The following PTPRD variants were observed in gnomAD, a reference collection of about 807,000 sequenced individuals.
PTPRD encodes receptor-type tyrosine-protein phosphatase delta.
A neutral mutation model predicts 214.5 loss-of-function variants in PTPRD; 34 were observed. That is an observed-to-expected ratio of 0.16 (90% CI 0.12 to 0.21). The LOEUF (loss-of-function observed/expected upper bound fraction) is 0.21, where lower values mean the gene tolerates loss of function less well. Ranked by LOEUF, PTPRD falls within the 10% of genes least tolerant of loss-of-function variation. PTPRD has a pLI of 1.00. For missense variants in PTPRD, 2,545 were observed against 2,398.7 expected, an observed-to-expected ratio of 1.06 and a Z score of -1.27; for synonymous variants, 1,128 against 845.7, an observed-to-expected ratio of 1.33 and a Z score of -5.79.
intron 4 of PTPRD, among the ~76,000 whole-genome samples, chr9:9,996,971 C>T (rs1421779522): frequency 6.6e-6 from 1 of 152,106 alleles, no homozygotes; most frequent in Non-Finnish European, 1.5e-5. Flanking sequence ...GGCCTGTATA[C>T]AGGAAAAAGA....
chr9:9,376,225 C>T (rs1174294719), intron 9 of PTPRD, among the ~76,000 whole-genome samples: 1 of 151,992 alleles, frequency 6.6e-6, no homozygotes, highest in Non-Finnish European at 1.5e-5. Flanking sequence ...CTACTATAAT[C>T]TATATGTATA....
intron 11 of PTPRD, among the ~76,000 whole-genome samples, chr9:8,802,830 C>T (rs996969090): frequency 6.6e-6 from 1 of 152,086 alleles, no homozygotes; most frequent in African/African-American, 2.4e-5. Flanking sequence ...GGTGGGAAGA[C>T]AGCTTGAGCC....
rs752023699 is a variant in PTPRD, at chr9:8,501,026, G to A, written c.1856C>T (p.Thr619Ile). 3 of 1,613,924 alleles carry A rather than the reference G, an allele frequency of 1.9e-6. No individual in the cohort carries two copies. Among genetic ancestry groups the A allele is most frequent in the Non-Finnish European group, 1.7e-6 (2 of 1,179,914 alleles). The stretch of plus-strand genomic sequence containing the variant: ...CAAAATACTAGTGGAACTTGGGCTG[G>A]TGCAACTAATGTCTTGAGGAGGAGC... Reference protein sequence around the residue: ...PSAPPQDISCTSPSSTSILVS... With the variant: ...PSAPPQDISCISPSSTSILVS... The change falls in exon 24 of 46, where the codon ACC (threonine) becomes ATC (isoleucine). Residue 619 changes from threonine (T) to isoleucine (I), a missense_variant. Physicochemically the swap from Thr to Ile is moderately conservative, Grantham distance 89. Transcript: ENST00000381196.
chr9:10,594,616 G>A (rs2076215640), intron 2 of PTPRD, among the ~76,000 whole-genome samples: 1 of 151,958 alleles, frequency 6.6e-6, no homozygotes, highest in Non-Finnish European at 1.5e-5. Flanking sequence ...ACAGACTAAT[G>A]AGAACGAATG....
At chr9:9,623,047 C>G (rs1439906413) in intron 7 of PTPRD, among the ~76,000 whole-genome samples, 1 of 152,146 alleles carries the variant, frequency 6.6e-6, no homozygotes, top group Non-Finnish European at 1.5e-5. Flanking sequence ...TCAACCATAC[C>G]AAATTGGGCT....
intron 3 of PTPRD, among the ~76,000 whole-genome samples, chr9:10,130,023 G>C (rs914167012): frequency 6.6e-6 from 1 of 151,284 alleles, no homozygotes; most frequent in African/African-American, 2.4e-5. Flanking sequence ...TTTAAAATTG[G>C]TGCACTGAAA....
rs2097394736 is a variant in PTPRD at position 8,501,076 on chromosome 9, G to A, written c.1823-17C>T. The A allele has an allele frequency of 6.3e-7, 1 of 1,593,964 alleles. No individual in the cohort carries two copies. The highest frequency in any genetic ancestry group is 1.1e-5 in the South Asian group (1 of 89,732). On this transcript the variant is annotated splice_polypyrimidine_tract_variant and intron_variant, in intron 23 of 45. Coordinates refer to ENST00000381196, the MANE Select transcript of PTPRD (RefSeq NM_002839.4). ...CTGACGGCTCTTATTTTGGTAGTGA[G>A]TTAAAGGAGGATTTAAGTGAAAGGA...
At chr9:10,352,780 C>G (rs1300424872) in intron 2 of PTPRD, among the ~76,000 whole-genome samples, 1 of 152,006 alleles carries the variant, frequency 6.6e-6, no homozygotes. Flanking sequence ...GTGTAAATGA[C>G]TAAAGGTAAG....
At chr9:10,034,380 C>T (rs915967262) in intron 3 of PTPRD, among the ~76,000 whole-genome samples, 24 of 148,366 alleles carry the variant, frequency 1.6e-4, no homozygotes, top group Non-Finnish European at 2.5e-4. Flanking sequence ...TTCTTCTTCT[C>T]GCACTCTGTC....
intron 4 of PTPRD, among the ~76,000 whole-genome samples, chr9:9,988,480 T>G (rs1192999691): frequency 1.3e-5 from 2 of 152,192 alleles, no homozygotes; most frequent in South Asian, 2.1e-4. Context: ...ATCTATTAAA[T>G]TAGATTTGGT....
chr9:9,001,239 C>T (rs10816028), intron 11 of PTPRD, among the ~76,000 whole-genome samples: 61,861 of 151,754 alleles, frequency 0.41, 13,081 homozygotes, highest in South Asian at 0.48. Context: ...AAAATTTCCC[C>T]ACATGTTTAC....
At chr9:10,304,371 C>G (rs927101364) in intron 3 of PTPRD, among the ~76,000 whole-genome samples, 3 of 152,162 alleles carry the variant, frequency 2.0e-5, no homozygotes, top group Admixed American at 2.0e-4. Flanking sequence ...GATGCCCTCT[C>G]TCTCCACTCC....
chr9:8,377,835 GTT>G (rs1469632928), intron 37 of PTPRD, among the ~76,000 whole-genome samples: 10 of 152,010 alleles, frequency 6.6e-5, no homozygotes, highest in African/African-American at 2.2e-4. Context: ...TTGCTTTTAT[GTT>G]TAATATGAGT....
Position 9,725,449 on chromosome 9 carries a change from G to A in PTPRD, c.-287+9084C>T, listed in dbSNP as rs137884939. On this transcript the variant is annotated intron_variant, in intron 7 of 45. Coordinates refer to ENST00000381196, the MANE Select transcript of PTPRD (RefSeq NM_002839.4). Reference sequence around the variant, plus strand: ...AAACGTCTTTTTCTTCCTATTCTCAGCTTATGTCGTTATCAAGAGTGTGAA... The same window carrying A: ...AAACGTCTTTTTCTTCCTATTCTCAACTTATGTCGTTATCAAGAGTGTGAA... Among the ~76,000 whole-genome samples, 254 of 152,086 alleles carry A rather than the reference G, an allele frequency of 1.7e-3. 1 individual carries two copies. Among genetic ancestry groups the A allele is most frequent in the African/African-American group, 5.7e-3 (237 of 41,502 alleles).
chr9:8,348,189 C>G (rs913017613), intron 39 of PTPRD, among the ~76,000 whole-genome samples: 2 of 152,148 alleles, frequency 1.3e-5, no homozygotes, highest in African/African-American at 4.8e-5. Context: ...TTTTATTAAA[C>G]TTATAACCAC....
At chr9:8,624,095 T>G (rs1220712726) in intron 14 of PTPRD, among the ~76,000 whole-genome samples, 1 of 151,910 alleles carries the variant, frequency 6.6e-6, no homozygotes, top group African/African-American at 2.4e-5. Flanking sequence ...AGTACGACAG[T>G]GTGACTCTAG....
chr9:8,478,116 T>C (rs551303200), intron 30 of PTPRD, among the ~76,000 whole-genome samples: 6 of 152,358 alleles, frequency 3.9e-5, no homozygotes, highest in African/African-American at 1.2e-4. Flanking sequence ...TTAGTACCAT[T>C]GGTCCTCATT....
intron 37 of PTPRD, among the ~76,000 whole-genome samples, chr9:8,381,498 A>G (rs1168767033): frequency 2.0e-5 from 3 of 152,176 alleles, no homozygotes; most frequent in African/African-American, 7.2e-5. Flanking sequence ...GGCTATATCT[A>G]TTCCCAACTG....
chr9:9,462,853 C>A (rs951574866), intron 8 of PTPRD, among the ~76,000 whole-genome samples: 1 of 152,116 alleles, frequency 6.6e-6, no homozygotes, highest in Non-Finnish European at 1.5e-5. Context: ...CCCTCTTCTA[C>A]CCCCTTAGTC....
Sources: allele counts gnomAD v4.1 joint callset (sites outside exome capture counted in the v4.1 genomes callset), GRCh38; gene constraint gnomAD v4.1.1; transcripts MANE v1.5; gene names NCBI Gene and HGNC (gene_info 2026-07-23, HGNC 2026-07-21).